The following LYPLAL1 variants were observed in gnomAD, a reference collection of about 807,000 sequenced individuals.
The protein encoded by LYPLAL1 is lysophospholipase-like protein 1.
LYPLAL1 carries 23 observed loss-of-function variants against 19.7 expected under a neutral mutation model. The ratio of observed to expected loss-of-function variants is 1.17; its 90% CI spans 0.84 to 1.65. The LOEUF is 1.65. Ranked by LOEUF, LYPLAL1 falls within the 40% of genes most tolerant of loss-of-function variation. LYPLAL1 has a pLI of 0.00. For missense variants in LYPLAL1, 355 were observed against 279.4 expected, an observed-to-expected ratio of 1.27 and a Z score of -1.93; for synonymous variants, 119 against 96.3, an observed-to-expected ratio of 1.24 and a Z score of -1.38.
the LYPLAL1 span, among the ~76,000 whole-genome samples, chr1:219,423,868 T>TTAGAGGTTTTA: frequency 2.6e-3 from 401 of 152,060 alleles, no homozygotes; most frequent in Non-Finnish European, 4.3e-3. Flanking sequence ...TTCTGGATCC[T>TTAGAGGTTTTA]TAGAGGTTTT....
chr1:219,250,919 C>T, the LYPLAL1 span, among the ~76,000 whole-genome samples: 4 of 152,210 alleles, frequency 2.6e-5, no homozygotes, highest in East Asian at 7.7e-4. Flanking sequence ...TACACTCCCA[C>T]CAACAGTGTA....
At chr1:219,193,304 A>G (rs1385868369) in intron 3 of LYPLAL1, 53 bp downstream of exon 3, 22 of 1,410,540 alleles carry the variant, frequency 1.6e-5, no homozygotes, top group East Asian at 4.6e-5. Context: ...GTCTAATTCT[A>G]TACATCAAAT....
At chr1:219,371,192 A>T in the LYPLAL1 span, among the ~76,000 whole-genome samples, 1 of 152,186 alleles carries the variant, frequency 6.6e-6, no homozygotes, top group Admixed American at 6.5e-5. Context: ...AACTGTGGGT[A>T]TGCATTCCTT....
the LYPLAL1 span, among the ~76,000 whole-genome samples, chr1:219,257,182 T>A: frequency 1.3e-5 from 2 of 152,034 alleles, no homozygotes; most frequent in African/African-American, 2.4e-5. Flanking sequence ...TTTGTCTATG[T>A]TTAACATTTT....
chr1:219,337,158 T>C, the LYPLAL1 span, among the ~76,000 whole-genome samples: 1 of 147,738 alleles, frequency 6.8e-6, no homozygotes, highest in South Asian at 2.1e-4. Flanking sequence ...CATTGGGCAT[T>C]GGATCCACTC....
At chr1:219,304,710 A>T in the LYPLAL1 span, among the ~76,000 whole-genome samples, 1 of 152,224 alleles carries the variant, frequency 6.6e-6, no homozygotes, top group Admixed American at 6.5e-5. Flanking sequence ...AGTGATCACT[A>T]AATGGTGGCT....
chr1:219,263,194 G>A, the LYPLAL1 span, among the ~76,000 whole-genome samples: 1 of 152,180 alleles, frequency 6.6e-6, no homozygotes, highest in Non-Finnish European at 1.5e-5. Flanking sequence ...ATGGGGAGGT[G>A]GTTATCAGGC....
the LYPLAL1 span, among the ~76,000 whole-genome samples, chr1:219,431,806 A>C: frequency 5.7e-3 from 871 of 152,326 alleles, 26 homozygotes; most frequent in East Asian, 0.051. Context: ...AACATCATAT[A>C]GTGATCAATA....
chr1:219,387,663 G>A, the LYPLAL1 span, among the ~76,000 whole-genome samples: 3 of 152,180 alleles, frequency 2.0e-5, no homozygotes, highest in African/African-American at 7.2e-5. Context: ...CTGAAATGTT[G>A]CTTTAAATTC....
At chr1:219,364,663 TAAAC>T in the LYPLAL1 span, among the ~76,000 whole-genome samples, 1 of 152,110 alleles carries the variant, frequency 6.6e-6, no homozygotes, top group African/African-American at 2.4e-5. Context: ...TTTGGGGAAA[TAAAC>T]AGATAATCTG....
the LYPLAL1 span, among the ~76,000 whole-genome samples, chr1:219,391,571 T>TG: frequency 7.0e-6 from 1 of 142,418 alleles, no homozygotes; most frequent in Non-Finnish European, 1.6e-5. Flanking sequence ...ACATTTAGCT[T>TG]GAAAAAAAAA....
chr1:219,241,134 C>CTCTCTCTCTCTCTATATATATATATA, the LYPLAL1 span, among the ~76,000 whole-genome samples: 15 of 44,362 alleles, frequency 3.4e-4, no homozygotes, highest in Non-Finnish European at 4.7e-4. Context: ...CTCTCTCTCT[C>CTCTCTCTCTCTCTATATATATATATA]TATATATATA....
the LYPLAL1 span, among the ~76,000 whole-genome samples, chr1:219,311,023 G>T: frequency 6.6e-6 from 1 of 152,120 alleles, no homozygotes; most frequent in Non-Finnish European, 1.5e-5. Context: ...ATTGTCTTTG[G>T]CTTATCCATT....
At chr1:219,293,245 A>AG in the LYPLAL1 span, among the ~76,000 whole-genome samples, 1 of 152,136 alleles carries the variant, frequency 6.6e-6, no homozygotes, top group Admixed American at 6.5e-5. Flanking sequence ...GGTCTCCGCA[A>AG]ACCATACAGA....
chr1:219,174,401 C>T (rs1383827200), intron 1 of LYPLAL1: 1 of 564,442 alleles, frequency 1.8e-6, no homozygotes, highest in African/African-American at 2.0e-5. Flanking sequence ...TCCAGGCTCC[C>T]ATACTAATGT....
the LYPLAL1 span, among the ~76,000 whole-genome samples, chr1:219,367,675 T>C: frequency 4.9e-4 from 74 of 152,324 alleles, no homozygotes; most frequent in South Asian, 0.015. Flanking sequence ...CAAGCTGGCA[T>C]TGGGCTTGAG....
the LYPLAL1 span, among the ~76,000 whole-genome samples, chr1:219,241,124 C>CTATATA: frequency 5.4e-5 from 5 of 93,386 alleles, no homozygotes; most frequent in East Asian, 3.3e-4. Flanking sequence ...CTCTCTCTCT[C>CTATATA]TCTCTCTCTC....
At chr1:219,369,432 C>T in the LYPLAL1 span, among the ~76,000 whole-genome samples, 1 of 152,182 alleles carries the variant, frequency 6.6e-6, no homozygotes, top group African/African-American at 2.4e-5. Flanking sequence ...TCACCATGAC[C>T]TGCTAATTTT....
the LYPLAL1 span, among the ~76,000 whole-genome samples, chr1:219,415,080 A>G: frequency 5.3e-4 from 81 of 152,370 alleles, no homozygotes; most frequent in African/African-American, 1.8e-3. Flanking sequence ...TAAATAGAAG[A>G]ATGCCAACAG....
Sources: gnomAD v4.1 joint callset for allele counts (sites outside exome capture counted in the v4.1 genomes callset) on GRCh38, gnomAD v4.1.1 for gene constraint, MANE v1.5 for transcripts, NCBI Gene and HGNC (gene_info 2026-07-23, HGNC 2026-07-21) for gene names.